POLRMT: variants seen among roughly 807,000 people sequenced by gnomAD.
POLRMT encodes the protein DNA-directed RNA polymerase, mitochondrial.
In POLRMT, 114 loss-of-function variants were observed where a neutral mutation model predicts 132.2. The observed-to-expected ratio is 0.86, with a 90% CI of 0.74 to 1.01. The LOEUF is 1.01. Ranked by LOEUF, POLRMT falls within the 50% of genes least tolerant of loss-of-function variation. The pLI is 0.00. For missense variants in POLRMT, 2,003 were observed against 1,729.1 expected (o/e 1.16, Z -2.81); for synonymous variants, 1,020 against 773.4 (o/e 1.32, Z -5.29).
intron 20 of POLRMT, 45 bp from the exon 21 acceptor site, chr19:617,368 C>G (rs372914047): frequency 1.7e-4 from 277 of 1,612,314 alleles, no homozygotes; most frequent in Non-Finnish European, 2.2e-4. Context: ...GGGAAAGCCC[C>G]GCCCTGGCCC....
chr19:621,923 A>C (rs897636776), intron 9 of POLRMT, 77 bp from the exon 10 acceptor site: 1 of 1,510,420 alleles, frequency 6.6e-7, no homozygotes, highest in African/African-American at 1.4e-5. Flanking sequence ...CTTGGGTGAG[A>C]GGGGCCGGCT....
chr19:630,094 G>A lies in POLRMT; in HGVS notation c.268C>T (p.Arg90Trp), dbSNP rs1479179924. ...TCTCCACTGCCACATTCTGGGAGCC[G>A]CGCCACATCCACCCTGTTCACCACC... is the stretch of plus-strand genomic sequence containing the variant. Reference protein sequence around the residue: ...EVVVNRVDVARLPECGSGDGS... With the variant: ...EVVVNRVDVAWLPECGSGDGS... Residue 90 changes from arginine (R) to tryptophan (W), a missense_variant, in exon 3 of 21, where the codon CGG becomes TGG. Physicochemically the swap from Arg to Trp is moderately radical, Grantham distance 101 (BLOSUM62 -3). Transcript: ENST00000588649. The A allele has an allele frequency of 6.2e-6, 10 of 1,613,554 alleles. No homozygotes were observed. In the East Asian group the frequency reaches 6.7e-5, roughly 11 times the overall value.
intron 3 of POLRMT, among the ~76,000 whole-genome samples, chr19:627,234 C>T (rs1360542928): frequency 6.7e-6 from 1 of 149,610 alleles, no homozygotes; most frequent in Non-Finnish European, 1.5e-5. Context: ...TCACTGCAAG[C>T]TCTGCCTCCC....
intron 17 of POLRMT, 132 bp from the exon 18 acceptor site, chr19:617,981 ACCCCTCGCCCCG>A (rs1323791604): frequency 6.4e-5 from 40 of 628,846 alleles, no homozygotes; most frequent in East Asian, 1.2e-4. Flanking sequence ...GCCTCGCCCC[ACCCCTCGCCCCG>A]CCCCTCCCCA....
At chr19:625,009 G>T in intron 4 of POLRMT, 104 bp from the exon 5 acceptor site, 2 of 1,518,152 alleles carry the variant, frequency 1.3e-6, no homozygotes, top group Non-Finnish European at 1.8e-6. Context: ...TGCAGGTCTC[G>T]GTGTGGCTGT....
rs1984299052 is a variant in POLRMT, at chr19:619,271, TAGTG to T, written c.3088_3091del (p.His1030IlefsTer24). 1.9e-6 allele frequency: 3 copies of T among 1,604,498 alleles called. No individual in the cohort carries two copies. Among genetic ancestry groups the T allele is most frequent in the African/African-American group, 1.4e-5 (1 of 72,650 alleles). On this transcript the variant is annotated frameshift_variant, in exon 14 of 21. Transcript: ENST00000588649. LOFTEE classifies it high-confidence loss of function. ...ACTCTTGAAGACCTGGCGTACGAGATAGTGAGAGGCCTCCCACACGAACTCCTGC... is the reference window on the plus strand; with the variant it reads ...ACTCTTGAAGACCTGGCGTACGAGATAGAGGCCTCCCACACGAACTCCTGC...
At chr19:631,902 G>C (rs1211656279) in intron 2 of POLRMT, among the ~76,000 whole-genome samples, 2 of 152,170 alleles carry the variant, frequency 1.3e-5, no homozygotes, top group Admixed American at 6.5e-5. Context: ...AGCCTCCTGA[G>C]TAGCTGGCAC....
At position 621,076 on chromosome 19, in the gene POLRMT, G is replaced by T; in HGVS notation, c.2622C>A (p.Ser874=). The T allele has an allele frequency of 5.0e-6, 8 of 1,604,638 alleles. No homozygotes were observed. Among genetic ancestry groups the T allele is most frequent in the Non-Finnish European group, 6.8e-6 (8 of 1,175,160 alleles). The change falls in exon 10 of 21, where the codon TCC becomes TCA. Residue 874 remains serine, a synonymous_variant. Transcript: ENST00000588649. Reference sequence around the variant, plus strand: ...CCCCTACCGTCAAGGGTTGGTCCGCGGAGTCCAGGATGTCATCCATCACCT... The same window carrying T: ...CCCCTACCGTCAAGGGTTGGTCCGCTGAGTCCAGGATGTCATCCATCACCT... The part of the protein sequence containing the change: ...AEEVMDDILD[S]ADQPLTGRKW...
chr19:622,803 G>T lies in POLRMT; in HGVS notation c.1455+18C>A. 2 of 1,573,464 alleles carry T rather than the reference G, an allele frequency of 1.3e-6. No homozygotes were observed. Among genetic ancestry groups the T allele is most frequent in the Non-Finnish European group, 1.7e-6 (2 of 1,159,710 alleles). On this transcript the variant is annotated intron_variant, in intron 7 of 20. Transcript: ENST00000588649. ...GCCCGCCCCGCCCGGGGACCCGGCCGCGCGGAGGAAGACGCACCTGCAGGA... is the reference window on the plus strand; with the variant it reads ...GCCCGCCCCGCCCGGGGACCCGGCCTCGCGGAGGAAGACGCACCTGCAGGA...
chr19:626,934 A>AT (rs925794010), intron 3 of POLRMT, among the ~76,000 whole-genome samples: 7 of 148,028 alleles, frequency 4.7e-5, no homozygotes, highest in Non-Finnish European at 8.9e-5. Flanking sequence ...TATATATATA[A>AT]TTTTTTTCTT....
Position 619,895 on chromosome 19 carries a change from C to T in POLRMT, c.2886+63G>A, listed in dbSNP as rs890773120. 38 of 1,592,626 alleles carry T rather than the reference C, an allele frequency of 2.4e-5. No individual in the cohort carries two copies. In the Admixed American group the frequency reaches 3.2e-4, roughly 13 times the overall value. ...AGGCCAAGGTGAGGGCACCTGGGGC[C>T]GAGACTCAGGGCTCACATTGCCCCC... On this transcript the variant is annotated intron_variant, in intron 12 of 20. Transcript: ENST00000588649.
In POLRMT at chr19:625,220, A is replaced by G. The variant is rs1354091444; in HGVS notation, c.857T>C (p.Met286Thr). 10 of 1,613,932 alleles carry G rather than the reference A, an allele frequency of 6.2e-6. No individual in the cohort carries two copies. Among genetic ancestry groups the G allele is most frequent in the Non-Finnish European group, 8.5e-6 (10 of 1,179,992 alleles). Residue 286 changes from methionine to threonine, a missense_variant, in exon 4 of 21, where the codon ATG becomes ACG. By Grantham distance (81) the Met-to-Thr change is moderately conservative (BLOSUM62 -1). Transcript: ENST00000588649. ...CGGAGTCAAGCCGGCATCCTTCACC[A>G]TGAATAACACATATACCAGCTCCTT... ...AFKELVYVLFMVKDAGLTPDL... is the reference protein window; with the variant it reads ...AFKELVYVLFTVKDAGLTPDL...
rs1984652870 is a variant in POLRMT at position 622,053 on chromosome 19, G to A, written c.1851+96C>T. ...AGTCCTGGGAGGTACTGACGGCTGCGCTGAGATCAAGGCTCCGCCCAAAGG... is the reference window on the plus strand; with the variant it reads ...AGTCCTGGGAGGTACTGACGGCTGCACTGAGATCAAGGCTCCGCCCAAAGG... On this transcript the variant is annotated intron_variant, in intron 9 of 20. Coordinates refer to ENST00000588649, the MANE Select transcript of POLRMT (RefSeq NM_005035.4). The A allele has an allele frequency of 4.8e-6, 6 of 1,251,178 alleles. No individual in the cohort carries two copies. The Admixed American group carries it at 7.3e-5, about 15-fold the overall frequency. The allele number at this position is 1,251,178 out of a possible 1,614,324, so 77.5% of individuals were successfully genotyped here.
chr19:625,284 G>T, intron 3 of POLRMT, 30 bp from the exon 4 acceptor site: 1 of 1,612,210 alleles, frequency 6.2e-7, no homozygotes, highest in Non-Finnish European at 8.5e-7. Flanking sequence ...TGAGGGTCTG[G>T]GGGGATGGCC....
rs200399941 is a variant in POLRMT, at chr19:621,079, G to A, written c.2619C>T (p.Asp873=). Residue 873 remains aspartate (D), a synonymous_variant, in exon 10 of 21, where the codon GAC becomes GAT. Transcript: ENST00000588649. ...CTACCGTCAAGGGTTGGTCCGCGGA[G>A]TCCAGGATGTCATCCATCACCTCCT... ...FAEEVMDDIL[D]SADQPLTGRK... The A allele has an allele frequency of 1.9e-4, 304 of 1,605,828 alleles. 1 individual carries two copies. The highest frequency in any genetic ancestry group is 5.5e-5 in the African/African-American group (4 of 73,048).
chr19:630,656 T>C (rs1025931004), intron 2 of POLRMT, among the ~76,000 whole-genome samples: 20 of 152,022 alleles, frequency 1.3e-4, no homozygotes, highest in African/African-American at 4.8e-4. Context: ...AACCATGGCC[T>C]GCAAGTTCGC....
In POLRMT at chr19:623,597, G is replaced by A. The variant is rs1348763592; in HGVS notation, c.1147C>T (p.Arg383Cys). The change falls in exon 6 of 21, where the codon CGT becomes TGT. Residue 383 changes from arginine (R) to cysteine (C), a missense_variant. Transcript: ENST00000588649. ...AGGTGCAGCTTCGGGTAGGACACAC[G>A]CCCATCCTGCAGGGATGGGGGTAGT... Reference protein sequence around the residue: ...LLRDVYAKDGRVSYPKLHLPL... With the variant: ...LLRDVYAKDGCVSYPKLHLPL... 1.2e-6 allele frequency: 2 copies of A among 1,613,572 alleles called. No homozygotes were observed. Among genetic ancestry groups the A allele is most frequent in the South Asian group, 1.1e-5 (1 of 91,084 alleles).
chr19:623,272 T>C (rs1309565448), intron 6 of POLRMT, among the ~76,000 whole-genome samples, 182 bp downstream of exon 6: 3 of 152,212 alleles, frequency 2.0e-5, no homozygotes, highest in Non-Finnish European at 4.4e-5. Context: ...TCCTAGGCCC[T>C]GCATGACCAG....
rs749281820 is a variant in POLRMT at position 625,713 on chromosome 19, TC to T, written c.823-460del. Among the ~76,000 whole-genome samples the T allele has an allele frequency of 2.6e-5, 4 of 152,280 alleles. No individual in the cohort carries two copies. In the East Asian group the frequency reaches 7.7e-4, roughly 29 times the overall value. On this transcript the variant is annotated intron_variant, in intron 3 of 20. Coordinates refer to ENST00000588649, the MANE Select transcript of POLRMT (RefSeq NM_005035.4). Reference sequence around the variant, plus strand: ...TTGGTCTGAGATGTTTCACTTTTTTTCCCCCCAAGATGGAGTCTTGCTCTGT... The same window carrying T: ...TTGGTCTGAGATGTTTCACTTTTTTTCCCCCAAGATGGAGTCTTGCTCTGT...
Sources: allele counts gnomAD v4.1 joint callset (sites outside exome capture counted in the v4.1 genomes callset), GRCh38; gene constraint gnomAD v4.1.1; transcripts MANE v1.5; gene names NCBI Gene and HGNC (gene_info 2026-07-23, HGNC 2026-07-21).